The following SNX27 variants were observed in gnomAD, a reference collection of about 807,000 sequenced individuals.
The protein encoded by SNX27 is sorting nexin 27.
In SNX27, 22 loss-of-function variants were observed where a neutral mutation model predicts 71.6. The ratio of observed to expected loss-of-function variants is 0.31; its 90% confidence interval spans 0.22 to 0.44. SNX27 has a LOEUF of 0.44. SNX27 is among the 20% of genes least tolerant of loss of function. The probability of loss-of-function intolerance (pLI) is 1.00; values close to 1 mark genes in which losing one functional copy is unlikely to be tolerated. For missense variants in SNX27, 531 were observed against 698.6 expected (o/e 0.76, Z 2.70); for synonymous variants, 269 against 277.2 (o/e 0.97, Z 0.29).
At chr1:151,648,871 T>C (rs1013847131) in intron 2 of SNX27, among the ~76,000 whole-genome samples, 17 of 152,228 alleles carry the variant, frequency 1.1e-4, no homozygotes, top group Non-Finnish European at 4.4e-5. Context: ...TTTGTTGATG[T>C]GAAAAAGTCT....
intron 8 of SNX27, among the ~76,000 whole-genome samples, chr1:151,687,151 TCACA>T (rs1200801055): frequency 4.6e-5 from 7 of 152,240 alleles, no homozygotes; most frequent in Non-Finnish European, 7.3e-5. Flanking sequence ...TTCTGTCTCC[TCACA>T]CAAACAGTAG....
chr1:151,641,662 GATAT>G (rs1324967715), intron 2 of SNX27, among the ~76,000 whole-genome samples: 1 of 103,970 alleles, frequency 9.6e-6, no homozygotes, highest in African/African-American at 3.4e-5. Flanking sequence ...ATATGTATCA[GATAT>G]ATATATCATA....
At chr1:151,651,707 C>T (rs1468899742) in intron 2 of SNX27, among the ~76,000 whole-genome samples, 2 of 151,428 alleles carry the variant, frequency 1.3e-5, no homozygotes, top group African/African-American at 4.9e-5. Context: ...AGATGCTCCT[C>T]ACTTTCCAGA....
chr1:151,632,459 T>C (rs1466992292), intron 1 of SNX27, among the ~76,000 whole-genome samples: 2 of 152,098 alleles, frequency 1.3e-5, no homozygotes, highest in Non-Finnish European at 2.9e-5. Flanking sequence ...CCTGGACATG[T>C]TGCTGAGGTT....
At chr1:151,615,950 A>G (rs768855633) in intron 1 of SNX27, 48 of 396,352 alleles carry the variant, frequency 1.2e-4, no homozygotes, top group Non-Finnish European at 1.6e-4. Context: ...TGGAGCCCAT[A>G]TGGTTCAGTT....
At chr1:151,662,113 G>A in intron 4 of SNX27, 53 bp from the exon 5 acceptor site, 1 of 1,253,246 alleles carries the variant, frequency 8.0e-7, no homozygotes, top group South Asian at 1.2e-5. Flanking sequence ...TTGTTACAGG[G>A]AGAGTGAAGA....
chr1:151,637,042 A>G (rs564984271), intron 1 of SNX27, among the ~76,000 whole-genome samples: 147 of 152,308 alleles, frequency 9.7e-4, no homozygotes, highest in Non-Finnish European at 1.7e-3. Context: ...AACTCAGTCA[A>G]GACCAATTCT....
intron 2 of SNX27, among the ~76,000 whole-genome samples, chr1:151,656,285 A>G (rs1669690928): frequency 6.6e-6 from 1 of 152,082 alleles, no homozygotes; most frequent in Non-Finnish European, 1.5e-5. Context: ...AATACACACA[A>G]ATGAAACAGA....
intron 6 of SNX27, among the ~76,000 whole-genome samples, chr1:151,667,758 C>G (rs1670271300): frequency 7.6e-6 from 1 of 132,062 alleles, no homozygotes; most frequent in Admixed American, 8.9e-5. Context: ...ACCTGGGAGG[C>G]GGAGCTTGCA....
intron 6 of SNX27, among the ~76,000 whole-genome samples, chr1:151,667,578 C>G (rs913646648): frequency 5.1e-5 from 7 of 136,030 alleles, no homozygotes; most frequent in African/African-American, 1.7e-4. Flanking sequence ...GTAATCCCAG[C>G]ACTTTGGGAG....
chr1:151,641,662 GAT>G lies in SNX27; in HGVS notation c.543+2552_543+2553del, dbSNP rs1324967715. ...TATCATATATATATCATATGTATCA[GAT>G]ATATATATCATATATATCTGATATA... is the stretch of plus-strand genomic sequence containing the variant. On this transcript the variant is annotated intron_variant, in intron 2 of 11. Transcript: ENST00000458013. Among the ~76,000 whole-genome samples, 44 of 103,966 alleles carry G rather than the reference GAT, an allele frequency of 4.2e-4. No individual in the cohort carries two copies. The East Asian group carries it at 9.6e-3, about 23-fold the overall frequency. The allele number at this position is 103,966 out of a possible 152,430, so 68.2% of individuals were successfully genotyped here.
At chr1:151,651,551 C>T (rs1227978933) in intron 2 of SNX27, among the ~76,000 whole-genome samples, 1 of 151,636 alleles carries the variant, frequency 6.6e-6, no homozygotes, top group Admixed American at 6.6e-5. Context: ...AGATGCTCCT[C>T]ACCTCCCAGA....
chr1:151,654,434 C>T lies in SNX27; in HGVS notation c.544-3801C>T, dbSNP rs540030058. Among the ~76,000 whole-genome samples the T allele has an allele frequency of 5.9e-4, 90 of 151,950 alleles. 1 individual carries two copies. The Middle Eastern group carries it at 0.01, about 17-fold the overall frequency. ...TTCCTGTCCCTCCCTCAGCTATAGC[C>T]GACCTCTGCTTGGTAACAGTGGAGG... is the stretch of plus-strand genomic sequence containing the variant. On this transcript the variant is annotated intron_variant, in intron 2 of 11. Transcript: ENST00000458013.
chr1:151,664,487 T>C (rs1276002841), intron 5 of SNX27, among the ~76,000 whole-genome samples: 1 of 152,054 alleles, frequency 6.6e-6, no homozygotes, highest in African/African-American at 2.4e-5. Context: ...GACATTTCCC[T>C]AAGGAGTCCT....
intron 11 of SNX27, chr1:151,693,879 G>C: frequency 7.1e-7 from 1 of 1,400,030 alleles, no homozygotes; most frequent in Non-Finnish European, 9.2e-7. Flanking sequence ...GGCGAACCAA[G>C]AATGTTTGTG....
chr1:151,673,335 TATA>T (rs1319673607), intron 7 of SNX27, among the ~76,000 whole-genome samples: 1 of 152,090 alleles, frequency 6.6e-6, no homozygotes, highest in African/African-American at 2.4e-5. Context: ...TTGATATTAT[TATA>T]ATATCACTAT....
chr1:151,622,404 G>A (rs568269214), intron 1 of SNX27, among the ~76,000 whole-genome samples: 95 of 152,276 alleles, frequency 6.2e-4, no homozygotes, highest in Non-Finnish European at 1.1e-3. Flanking sequence ...ACCAGATCAC[G>A]TGAGGGATAA....
rs140922236 is a variant in SNX27, at chr1:151,665,964, C to T, written c.938C>T (p.Thr313Met). Residue 313 changes from threonine to methionine, a missense_variant, in exon 6 of 12, where the codon ACG (threonine) becomes ATG (methionine). Around this residue, in one of 5 missense-constraint regions of SNX27, gnomAD observed 184 missense variants for 289.6 expected, o/e 0.64. Coordinates refer to ENST00000458013, the MANE Select transcript of SNX27 (RefSeq NM_001330723.2). ...AIAAKVGMDSTTVNYFALFEV... is the reference protein window; with the variant it reads ...AIAAKVGMDSMTVNYFALFEV... ...GCAGCAAAGGTTGGCATGGACAGTA[C>T]GACAGTGAATTACTTTGCCTTATTT... 102 of 1,608,174 alleles carry T rather than the reference C, an allele frequency of 6.3e-5. No homozygotes were observed. Among genetic ancestry groups the T allele is most frequent in the East Asian group, 5.2e-4 (23 of 44,624 alleles).
At chr1:151,648,195 A>G (rs186082282) in intron 2 of SNX27, among the ~76,000 whole-genome samples, 1 of 152,124 alleles carries the variant, frequency 6.6e-6, no homozygotes, top group East Asian at 1.9e-4. Flanking sequence ...CTGTGACCAC[A>G]GGTGCGCACC....
Sources: gnomAD v4.1 joint callset for allele counts (sites outside exome capture counted in the v4.1 genomes callset) on GRCh38, gnomAD v4.1.1 for gene constraint, gnomAD v4.1.1 regional missense constraint, MANE v1.5 for transcripts, NCBI Gene and HGNC (gene_info 2026-07-23, HGNC 2026-07-21) for gene names.